The following TMEM67 variants were observed in gnomAD, a reference collection of about 807,000 sequenced individuals.
The protein encoded by TMEM67 is transmembrane protein 67.
A neutral mutation model predicts 136.6 loss-of-function variants in TMEM67; 124 were observed. That is an observed-to-expected ratio of 0.91 (90% CI 0.78 to 1.05). The LOEUF (loss-of-function observed/expected upper bound fraction) is 1.05. Ranked by LOEUF, TMEM67 falls within the 50% of genes least tolerant of loss-of-function variation. The probability of loss-of-function intolerance (pLI) is 0.00; values close to 1 mark genes in which losing one functional copy is unlikely to be tolerated. For synonymous variants in TMEM67, 364 were observed against 390.5 expected (o/e 0.93, Z 0.80); for missense variants, 1,107 against 1,178.4 (o/e 0.94, Z 0.89).
intron 6 of TMEM67, among the ~76,000 whole-genome samples, chr8:93,767,870 T>C (rs1271216055): frequency 6.7e-6 from 1 of 148,606 alleles, no homozygotes; most frequent in African/African-American, 2.5e-5. Flanking sequence ...TTTCTTTTTT[T>C]TTTTTTTTTT....
chr8:93,797,035 C>G (rs1219211488), intron 18 of TMEM67, 99 bp from the exon 19 acceptor site: 20 of 751,826 alleles, frequency 2.7e-5, no homozygotes, highest in Non-Finnish European at 4.3e-5. Flanking sequence ...ATTATATGTT[C>G]TTGTGATAAC....
At chr8:93,823,441 G>C (rs1448552467), downstream of TMEM67, among the ~76,000 whole-genome samples, 1 of 151,972 alleles carries the variant, frequency 6.6e-6, no homozygotes, top group African/African-American at 2.4e-5. Context: ...GGGTGTGTGG[G>C]GGCGTTATTT....
At chr8:93,820,932 A>G (rs1425418424), downstream of TMEM67, among the ~76,000 whole-genome samples, 1 of 152,218 alleles carries the variant, frequency 6.6e-6, no homozygotes, top group Non-Finnish European at 1.5e-5. Context: ...TATTTTTATA[A>G]TAATCATTGC....
chr8:93,832,629 G>A, the TMEM67 span, among the ~76,000 whole-genome samples: 1 of 152,138 alleles, frequency 6.6e-6, no homozygotes, highest in African/African-American at 2.4e-5. Flanking sequence ...AGCATTTTGG[G>A]AGGCCAAGGC....
At chr8:93,815,103 G>T (rs1808854992) in intron 26 of TMEM67, among the ~76,000 whole-genome samples, 1 of 152,150 alleles carries the variant, frequency 6.6e-6, no homozygotes, top group South Asian at 2.1e-4. Context: ...CTTTTTAGAA[G>T]TTTTTATGAG....
Position 93,795,937 on chromosome 8 carries a change from A to G in TMEM67, c.1810A>G (p.Ile604Val), listed in dbSNP as rs3134031. 988,416 of 1,610,204 alleles carry G rather than the reference A, an allele frequency of 0.61. 305,593 individuals carry two copies. The highest frequency in any genetic ancestry group is 0.73 in the African/African-American group (54,859 of 74,934). Residue 604 changes from isoleucine to valine, a missense_variant, in exon 18 of 28, where the codon ATT becomes GTT. Coordinates refer to ENST00000453321, the MANE Select transcript of TMEM67 (RefSeq NM_153704.6). ...KSVSVLLPMP[I>V]QEERFVTYVG... ...TGTGTCTGTTTTGCTGCCAATGCCA[A>G]TTCAGGAAGAACGTTTTGTCACTTA... is the stretch of plus-strand genomic sequence containing the variant.
chr8:93,809,913 C>A (rs1438452951), intron 26 of TMEM67, 26 bp downstream of exon 26: 3 of 1,372,288 alleles, frequency 2.2e-6, no homozygotes, highest in East Asian at 4.6e-5. Context: ...CTTTGTAGAA[C>A]TTGATAACTG....
In TMEM67 at chr8:93,755,148, T is replaced by G; in HGVS notation, c.223+11T>G. ...GGCAAGATGCCCGAGGTAAGACGGT[T>G]TGCGGTGGGCCCTGGCAAAAGTAAC... On this transcript the variant is annotated intron_variant, in intron 1 of 27. Coordinates refer to ENST00000453321, the MANE Select transcript of TMEM67 (RefSeq NM_153704.6). 1 of 1,613,326 alleles carries G rather than the reference T, an allele frequency of 6.2e-7. No homozygotes were observed. The highest frequency in any genetic ancestry group is 8.5e-7 in the Non-Finnish European group (1 of 1,179,270).
At chr8:93,787,749 A>G in intron 13 of TMEM67, 95 bp from the exon 14 acceptor site, 1 of 984,474 alleles carries the variant, frequency 1.0e-6, no homozygotes, top group Non-Finnish European at 1.6e-6. Context: ...AGATCATCAG[A>G]CAATTCATAT....
Position 93,786,332 on chromosome 8 carries a change from T to A in TMEM67, c.1398T>A (p.Thr466=). The A allele has an allele frequency of 6.2e-7, 1 of 1,613,928 alleles. No individual in the cohort carries two copies. The highest frequency in any genetic ancestry group is 1.1e-5 in the South Asian group (1 of 91,078). ...AGCCAAGAGTAATTCGAGTTGCTACTCAAATATCACTGAGGTAAACAAATG... is the reference window on the plus strand; with the variant it reads ...AGCCAAGAGTAATTCGAGTTGCTACACAAATATCACTGAGGTAAACAAATG... ...GTQPRVIRVA[T]QISLSVHLVP... is the part of the protein sequence containing the mutation. Residue 466 remains threonine, a synonymous_variant, in exon 13 of 28, where the codon ACT becomes ACA. Coordinates refer to ENST00000453321, the MANE Select transcript of TMEM67 (RefSeq NM_153704.6).
At chr8:93,761,562 G>T (rs150785998) in intron 3 of TMEM67, among the ~76,000 whole-genome samples, 273 of 152,222 alleles carry the variant, frequency 1.8e-3, no homozygotes, top group African/African-American at 6.3e-3. Flanking sequence ...TAAGACAAAA[G>T]ATTATAAACA....
At chr8:93,789,154 C>T (rs1279604001) in intron 14 of TMEM67, among the ~76,000 whole-genome samples, 1 of 152,168 alleles carries the variant, frequency 6.6e-6, no homozygotes, top group Non-Finnish European at 1.5e-5. Flanking sequence ...TTTTAATATT[C>T]TAGTTCCTTC....
At position 93,758,580 on chromosome 8, in the gene TMEM67, A is replaced by G. The variant is rs1182133683; in HGVS notation, c.406+4A>G. 13 of 1,602,598 alleles carry G rather than the reference A, an allele frequency of 8.1e-6. No individual in the cohort carries two copies. Among genetic ancestry groups the G allele is most frequent in the Non-Finnish European group, 1.0e-5 (12 of 1,169,676 alleles). ...TGTCCCATTGGCCATATTTTAGGTA[A>G]GAATTAGATTCCTTATAAAGAAGTA... On this transcript the variant is annotated splice_donor_region_variant and intron_variant, in intron 3 of 27. Transcript: ENST00000453321.
At chr8:93,762,211 G>A (rs983812094) in intron 3 of TMEM67, among the ~76,000 whole-genome samples, 10 of 152,200 alleles carry the variant, frequency 6.6e-5, no homozygotes, top group Admixed American at 3.9e-4. Context: ...GTGAGATCAC[G>A]CCACTGTGCT....
rs748566666 is a variant in TMEM67 at position 93,808,908 on chromosome 8, T to A, written c.2508T>A (p.Ser836=). 8.1e-5 allele frequency: 131 copies of A among 1,612,838 alleles called. No individual in the cohort carries two copies. The highest frequency in any genetic ancestry group is 1.1e-4 in the Non-Finnish European group (125 of 1,179,122). The change falls in exon 24 of 28, where the codon TCT becomes TCA. Residue 836 remains serine, a synonymous_variant. Coordinates refer to ENST00000453321, the MANE Select transcript of TMEM67 (RefSeq NM_153704.6). ...GTCAGACTTTTGAGATTGCAATTTC[T>A]AACCAGATGAGACAACATTATGACA... ...TDGQTFEIAI[S]NQMRQHYDRI...
chr8:93,784,301 A>T (rs1025552584), intron 11 of TMEM67, among the ~76,000 whole-genome samples: 1 of 152,176 alleles, frequency 6.6e-6, no homozygotes, highest in African/African-American at 2.4e-5. Flanking sequence ...TTTTATCGTT[A>T]TTATCCCATT....
At chr8:93,808,463 T>TTATCTATTATAGATATTTATCTATAATA (rs1808517734) in intron 23 of TMEM67, among the ~76,000 whole-genome samples, 4 of 2,404 alleles carry the variant, frequency 1.7e-3, no homozygotes, top group Non-Finnish European at 1.5e-3. Flanking sequence ...AAATATATAT[T>TTATCTATTATAGATATTTATCTATAATA]TATCTATTAT....
chr8:93,764,569 C>A (rs1285029277), intron 4 of TMEM67, among the ~76,000 whole-genome samples: 1 of 152,060 alleles, frequency 6.6e-6, no homozygotes, highest in African/African-American at 2.4e-5. Flanking sequence ...GCACATTATA[C>A]CAATTTCAGC....
Position 93,763,911 on chromosome 8 carries a change from CTTTTATGGT to C in TMEM67, c.477_485del (p.Phe160_Val162del). On this transcript the variant is annotated inframe_deletion, in exon 4 of 28. Coordinates refer to ENST00000453321, the MANE Select transcript of TMEM67 (RefSeq NM_153704.6). ...GAGCTCTGTGATGGAAATGAAAACT[CTTTTATGGT>C]AGTAAATGCTTTAGGAGACAGGTAA... The C allele has an allele frequency of 6.2e-7, 1 of 1,613,660 alleles. No homozygotes were observed. Among genetic ancestry groups the C allele is most frequent in the Non-Finnish European group, 8.5e-7 (1 of 1,179,652 alleles).
Sources: gnomAD v4.1 joint callset for allele counts (sites outside exome capture counted in the v4.1 genomes callset) on GRCh38, gnomAD v4.1.1 for gene constraint, MANE v1.5 for transcripts, NCBI Gene and HGNC (gene_info 2026-07-23, HGNC 2026-07-21) for gene names.